Variants in GALNT17 observed in about 807,000 individuals in gnomAD.
GALNT17 encodes the protein polypeptide N-acetylgalactosaminyltransferase 17, also known as UDP-GalNAc:polypeptide N-acetylgalactosaminyltransferase-like 3.
A neutral mutation model predicts 63.7 loss-of-function variants in GALNT17; 29 were observed. The ratio of observed to expected loss-of-function variants is 0.46; its 90% confidence interval spans 0.34 to 0.62. GALNT17 has a LOEUF of 0.62. GALNT17 is among the 20% of genes least tolerant of loss of function. The probability of loss-of-function intolerance (pLI) is 0.01; values close to 1 mark genes in which losing one functional copy is unlikely to be tolerated. For synonymous variants in GALNT17, 305 were observed against 318.3 expected (o/e 0.96, Z 0.45); for missense variants, 603 against 799.6 (o/e 0.75, Z 2.97).
At chr7:71,656,842 G>A (rs760330018) in intron 6 of GALNT17, among the ~76,000 whole-genome samples, 13 of 152,258 alleles carry the variant, frequency 8.5e-5, no homozygotes, top group Non-Finnish European at 1.2e-4. Flanking sequence ...TTTGAGTGAC[G>A]GAGGTCGTGG....
At chr7:71,665,332 C>A in intron 6 of GALNT17, 79 bp from the exon 7 acceptor site, 1 of 1,424,600 alleles carries the variant, frequency 7.0e-7, no homozygotes, top group Non-Finnish European at 9.5e-7. Context: ...GTCAGCTGAA[C>A]CATTGCTTTT....
intron 9 of GALNT17, among the ~76,000 whole-genome samples, chr7:71,693,309 C>CACATATATATATAT (rs1554325721): frequency 8.1e-6 from 1 of 124,198 alleles, no homozygotes; most frequent in South Asian, 3.5e-4. Context: ...CACACACACA[C>CACATATATATATAT]ATATATATAT....
chr7:71,201,742 C>T (rs1473625218), intron 1 of GALNT17, among the ~76,000 whole-genome samples: 2 of 152,000 alleles, frequency 1.3e-5, no homozygotes, highest in Non-Finnish European at 2.9e-5. Context: ...AGCAATTCGC[C>T]TCCCTCACCC....
At chr7:71,516,746 C>T (rs1562672430) in intron 5 of GALNT17, among the ~76,000 whole-genome samples, 1 of 152,166 alleles carries the variant, frequency 6.6e-6, no homozygotes, top group Non-Finnish European at 1.5e-5. Context: ...CATGGATGCT[C>T]TCCATTTCTC....
chr7:71,462,968 C>T (rs1787476201), intron 5 of GALNT17, among the ~76,000 whole-genome samples: 1 of 152,106 alleles, frequency 6.6e-6, no homozygotes, highest in Admixed American at 6.5e-5. Flanking sequence ...CAGCAGATTG[C>T]AGCAGACAAA....
intron 6 of GALNT17, among the ~76,000 whole-genome samples, chr7:71,651,694 GT>G (rs1790757222): frequency 6.6e-6 from 1 of 152,112 alleles, no homozygotes; most frequent in South Asian, 2.1e-4. Flanking sequence ...GATGGATTTT[GT>G]TTTCTTTTTA....
intron 8 of GALNT17, 58 bp from the exon 9 acceptor site, chr7:71,677,153 G>A (rs1281121391): frequency 7.0e-6 from 11 of 1,565,120 alleles, no homozygotes; most frequent in Admixed American, 5.0e-5. Flanking sequence ...ACAGTGACTC[G>A]GCATCCACAC....
At chr7:71,607,286 A>G (rs914229945) in intron 6 of GALNT17, among the ~76,000 whole-genome samples, 6 of 152,236 alleles carry the variant, frequency 3.9e-5, no homozygotes, top group Admixed American at 3.3e-4. Flanking sequence ...TCAGTTCACT[A>G]AAGAATTTTG....
chr7:71,644,265 G>A (rs1270629595), intron 6 of GALNT17, among the ~76,000 whole-genome samples: 4 of 151,472 alleles, frequency 2.6e-5, no homozygotes, highest in Non-Finnish European at 4.4e-5. Context: ...GGCTGGGCAC[G>A]GTGGCTCACA....
At chr7:71,207,938 C>CTT (rs889337950) in intron 1 of GALNT17, among the ~76,000 whole-genome samples, 2 of 145,050 alleles carry the variant, frequency 1.4e-5, no homozygotes, top group African/African-American at 2.5e-5. Flanking sequence ...TTTCTTTTTT[C>CTT]TTTTTTTTTT....
intron 5 of GALNT17, among the ~76,000 whole-genome samples, chr7:71,556,448 C>T (rs2116843226): frequency 6.6e-6 from 1 of 152,312 alleles, no homozygotes; most frequent in Middle Eastern, 3.4e-3. Context: ...GTTCTGTCTA[C>T]AGTGGGGATG....
chr7:71,603,695 G>A (rs924929812), intron 6 of GALNT17, among the ~76,000 whole-genome samples: 4 of 151,794 alleles, frequency 2.6e-5, no homozygotes, highest in African/African-American at 9.7e-5. Flanking sequence ...ACTATGCTAA[G>A]TGCATATGCT....
intron 5 of GALNT17, among the ~76,000 whole-genome samples, chr7:71,440,114 G>A (rs1266320367): frequency 1.3e-5 from 2 of 151,568 alleles, no homozygotes; most frequent in African/African-American, 2.4e-5. Context: ...ATTTTTAGTA[G>A]GGGCAGGATT....
intron 3 of GALNT17, among the ~76,000 whole-genome samples, chr7:71,394,044 G>T (rs1793097292): frequency 6.6e-6 from 1 of 152,178 alleles, no homozygotes; most frequent in Non-Finnish European, 1.5e-5. Flanking sequence ...TAGTCCATTT[G>T]TCTTTCTACA....
chr7:71,469,851 A>G lies in GALNT17; in HGVS notation c.962+48746A>G, dbSNP rs529691368. ...GAGGAAAATATGACTTTTTCACACAATTAGAGATATTGTTCACTGGATTAA... is the reference window on the plus strand; with the variant it reads ...GAGGAAAATATGACTTTTTCACACAGTTAGAGATATTGTTCACTGGATTAA... On this transcript the variant is annotated intron_variant, in intron 5 of 10. Coordinates refer to ENST00000333538, the MANE Select transcript of GALNT17 (RefSeq NM_022479.3). Among the ~76,000 whole-genome samples the G allele has an allele frequency of 3.3e-5, 5 of 152,342 alleles. No homozygotes were observed. The South Asian group carries it at 8.3e-4, about 25-fold the overall frequency.
intron 1 of GALNT17, among the ~76,000 whole-genome samples, chr7:71,260,143 A>G (rs2115618692): frequency 6.6e-6 from 1 of 152,258 alleles, no homozygotes; most frequent in East Asian, 1.9e-4. Flanking sequence ...TTTCTCCCTA[A>G]CTGCTGGTGC....
chr7:71,526,360 G>A (rs370075989), intron 5 of GALNT17, among the ~76,000 whole-genome samples: 6 of 151,730 alleles, frequency 4.0e-5, no homozygotes, highest in East Asian at 1.9e-4. Flanking sequence ...GAGCCTAGTC[G>A]CAAAATCAGA....
At chr7:71,273,525 C>G (rs552737440) in intron 1 of GALNT17, among the ~76,000 whole-genome samples, 1 of 152,278 alleles carries the variant, frequency 6.6e-6, no homozygotes, top group African/African-American at 2.4e-5. Flanking sequence ...TGCTATCTCC[C>G]TTTTCTCTGT....
chr7:71,252,514 GTC>G (rs1450547371), intron 1 of GALNT17, among the ~76,000 whole-genome samples: 1 of 152,096 alleles, frequency 6.6e-6, no homozygotes, highest in Non-Finnish European at 1.5e-5. Context: ...CAGAGTGAGA[GTC>G]TGTGTCAAAA....
Sources: gnomAD v4.1 joint callset for allele counts (sites outside exome capture counted in the v4.1 genomes callset) on GRCh38, gnomAD v4.1.1 for gene constraint, MANE v1.5 for transcripts, NCBI Gene and HGNC (gene_info 2026-07-23, HGNC 2026-07-21) for gene names.